XPO7: variants seen among roughly 807,000 people sequenced by gnomAD.
XPO7 encodes exportin 7, also known as exportin-7.
XPO7 carries 21 observed loss-of-function variants against 144.3 expected under a neutral mutation model. That is an observed-to-expected ratio of 0.15 (90% confidence interval 0.10 to 0.21). XPO7 has a LOEUF of 0.21. Among genes scored for constraint, XPO7 ranks in the 10% least tolerant of loss-of-function variants. The probability of loss-of-function intolerance (pLI) is 1.00; values close to 1 mark genes in which losing one functional copy is unlikely to be tolerated. For synonymous variants in XPO7, 580 were observed against 499.6 expected (o/e 1.16, Z -2.15); for missense variants, 808 against 1,325.8 (o/e 0.61, Z 6.06).
At chr8:21,991,029 T>A in intron 18 of XPO7, 110 bp downstream of exon 18, 1 of 927,946 alleles carries the variant, frequency 1.1e-6, no homozygotes, top group Non-Finnish European at 1.7e-6. Flanking sequence ...TTTTCAACAG[T>A]AACAAAACTA....
At chr8:21,979,682 C>T (rs927819790) in intron 8 of XPO7, among the ~76,000 whole-genome samples, 2 of 152,206 alleles carry the variant, frequency 1.3e-5, no homozygotes, top group Middle Eastern at 6.3e-3. Context: ...GCTGGGATTA[C>T]AGGCGTGAGC....
chr8:21,982,534 CT>C, intron 10 of XPO7, 105 bp from the exon 11 acceptor site: 6 of 1,310,090 alleles, frequency 4.6e-6, no homozygotes, highest in South Asian at 1.6e-5. Flanking sequence ...AGTCTATCCT[CT>C]TTTTTTAAAA....
At chr8:21,920,483 G>C (rs940609784) in intron 1 of XPO7, among the ~76,000 whole-genome samples, 3 of 152,140 alleles carry the variant, frequency 2.0e-5, no homozygotes, top group East Asian at 1.9e-4. Flanking sequence ...TATGAAACAC[G>C]GGGTGGAGGG....
At chr8:21,998,475 T>G (rs1270000184) in intron 21 of XPO7, among the ~76,000 whole-genome samples, 1 of 152,108 alleles carries the variant, frequency 6.6e-6, no homozygotes, top group African/African-American at 2.4e-5. Flanking sequence ...CAAATAAAAT[T>G]GAGAATTTTC....
chr8:21,922,747 A>T (rs1810330245), intron 1 of XPO7, among the ~76,000 whole-genome samples: 3 of 152,192 alleles, frequency 2.0e-5, no homozygotes, highest in Admixed American at 2.0e-4. Context: ...AATATGAATT[A>T]TATTAGTTTT....
chr8:21,998,137 G>A (rs549993431), intron 21 of XPO7, among the ~76,000 whole-genome samples: 1 of 152,172 alleles, frequency 6.6e-6, no homozygotes, highest in African/African-American at 2.4e-5. Flanking sequence ...AGAGGCGACG[G>A]GTAGAAAGTA....
chr8:21,924,451 C>T (rs1008596717), intron 1 of XPO7, among the ~76,000 whole-genome samples: 1 of 151,846 alleles, frequency 6.6e-6, no homozygotes, highest in Non-Finnish European at 1.5e-5. Flanking sequence ...CCCCCCTCCC[C>T]CCCCCACCCC....
chr8:21,943,335 T>C (rs1811055660), intron 1 of XPO7, among the ~76,000 whole-genome samples: 1 of 152,212 alleles, frequency 6.6e-6, no homozygotes, highest in African/African-American at 2.4e-5. Context: ...TCCTTTTGAG[T>C]GTCATGAATT....
chr8:21,992,722 C>CAT (rs1812811659), intron 19 of XPO7, among the ~76,000 whole-genome samples: 1 of 152,062 alleles, frequency 6.6e-6, no homozygotes, highest in Non-Finnish European at 1.5e-5. Flanking sequence ...TGAATTTCCA[C>CAT]ATATATGGAA....
chr8:21,932,883 T>G (rs1810699028), intron 1 of XPO7, among the ~76,000 whole-genome samples: 1 of 152,130 alleles, frequency 6.6e-6, no homozygotes, highest in African/African-American at 2.4e-5. Flanking sequence ...CAAGGAAAGT[T>G]GGCTGTAATG....
intron 1 of XPO7, among the ~76,000 whole-genome samples, chr8:21,924,118 C>T (rs10866823): frequency 0.56 from 85,327 of 151,918 alleles, 24,503 homozygotes; most frequent in African/African-American, 0.69. Flanking sequence ...TTACACACAG[C>T]GGGCCTGGTC....
Position 21,970,247 on chromosome 8 carries a change from T to G in XPO7, c.363T>G (p.Phe121Leu). 1 of 1,613,922 alleles carries G rather than the reference T, an allele frequency of 6.2e-7. No individual in the cohort carries two copies. The highest frequency in any genetic ancestry group is 8.5e-7 in the Non-Finnish European group (1 of 1,179,854). Residue 121 changes from phenylalanine to leucine, a missense_variant, in exon 4 of 28, where the codon TTT (phenylalanine) becomes TTG (leucine). Physicochemically the swap from Phe to Leu is conservative, Grantham distance 22. This residue lies in a region of XPO7 where 223 missense variants were observed against 368.8 expected (regional missense o/e 0.60). Transcript: ENST00000252512. ...LYARITKLGW[F>L]DCQKDDYVFR... ...CCAGAATCACAAAACTGGGCTGGTT[T>G]GACTGTCAGAAGGATGACTATGTCT...
intron 1 of XPO7, among the ~76,000 whole-genome samples, chr8:21,962,659 C>T (rs1369277000): frequency 6.6e-6 from 1 of 152,162 alleles, no homozygotes; most frequent in Admixed American, 6.6e-5. Flanking sequence ...GAAAGTCTCT[C>T]ATATTCTCAC....
At chr8:21,932,608 G>A (rs934855377) in intron 1 of XPO7, among the ~76,000 whole-genome samples, 1 of 152,076 alleles carries the variant, frequency 6.6e-6, no homozygotes, top group African/African-American at 2.4e-5. Context: ...AAGGGATAAG[G>A]AGGGCCAAAA....
intron 13 of XPO7, among the ~76,000 whole-genome samples, chr8:21,985,935 C>G (rs1450580166): frequency 6.6e-6 from 1 of 152,168 alleles, no homozygotes; most frequent in African/African-American, 2.4e-5. Flanking sequence ...CAGAGATTCT[C>G]TGTTAGGTCT....
chr8:21,995,641 T>TGC, intron 21 of XPO7, 42 bp downstream of exon 21: 1 of 1,448,138 alleles, frequency 6.9e-7, no homozygotes, highest in Non-Finnish European at 9.5e-7. Flanking sequence ...TCTGCCCTGT[T>TGC]ATCTGAGAGA....
chr8:21,937,106 G>T (rs1810844999), intron 1 of XPO7, among the ~76,000 whole-genome samples: 1 of 152,138 alleles, frequency 6.6e-6, no homozygotes, highest in Non-Finnish European at 1.5e-5. Flanking sequence ...GAGGTTAAAA[G>T]TTTCAAAACT....
Position 22,006,560 on chromosome 8 carries a change from C to T in XPO7, c.*1472C>T, listed in dbSNP as rs1813338646. ...CATACAGTGTAAGCATTGTGACCGC[C>T]AATAAACTTCAATGGTTTCTACTGA... On this transcript the variant is annotated 3_prime_UTR_variant, in exon 28 of 28. Transcript: ENST00000252512. 1 of 152,158 alleles carries T rather than the reference C, an allele frequency of 6.6e-6. No individual in the cohort carries two copies. Among genetic ancestry groups the T allele is most frequent in the Non-Finnish European group, 1.5e-5 (1 of 68,028 alleles). 9.4% of individuals were successfully genotyped at this position (152,158 alleles called of 1,614,324 possible). A position where few individuals can be genotyped will look rare whatever the true frequency, so the allele number is the denominator to read the frequency against.
intron 1 of XPO7, among the ~76,000 whole-genome samples, chr8:21,950,196 G>A (rs1454046901): frequency 6.6e-6 from 1 of 152,214 alleles, no homozygotes; most frequent in African/African-American, 2.4e-5. Context: ...TGAAGAGAGT[G>A]TGGGTAGTTG....
Sources: gnomAD v4.1 joint callset for allele counts (sites outside exome capture counted in the v4.1 genomes callset) on GRCh38, gnomAD v4.1.1 for gene constraint, gnomAD v4.1.1 regional missense constraint, MANE v1.5 for transcripts, NCBI Gene and HGNC (gene_info 2026-07-23, HGNC 2026-07-21) for gene names.